The following FHIT variants were observed in gnomAD, a reference collection of about 807,000 sequenced individuals.
FHIT encodes the protein fragile histidine triad diadenosine triphosphatase, also known as bis(5'-adenosyl)-triphosphatase.
FHIT carries 19 observed loss-of-function variants against 17.9 expected under a neutral mutation model. The ratio of observed to expected loss-of-function variants is 1.06; its 90% CI spans 0.74 to 1.56. FHIT has a LOEUF of 1.56. FHIT is among the 40% of genes most tolerant of loss of function. The pLI is 0.00. For synonymous variants in FHIT, 81 were observed against 69.7 expected (o/e 1.16, Z -0.81); for missense variants, 248 against 189.2 (o/e 1.31, Z -1.82).
chr3:60,561,910 GAGAGAGAA>G (rs1212279621), intron 4 of FHIT, among the ~76,000 whole-genome samples: 2 of 151,404 alleles, frequency 1.3e-5, no homozygotes, highest in East Asian at 2.0e-4. Flanking sequence ...AAAAAGAAAA[GAGAGAGAA>G]AGAGAGAAAG....
At chr3:60,443,980 TCAAA>T (rs1344395085) in intron 5 of FHIT, among the ~76,000 whole-genome samples, 1 of 151,922 alleles carries the variant, frequency 6.6e-6, no homozygotes, top group Non-Finnish European at 1.5e-5. Context: ...TACAATGAAC[TCAAA>T]CAAATTTACA....
intron 5 of FHIT, among the ~76,000 whole-genome samples, chr3:60,496,780 A>C (rs573787281): frequency 6.6e-6 from 1 of 152,318 alleles, no homozygotes; most frequent in East Asian, 1.9e-4. Flanking sequence ...GGACTAGAAT[A>C]CAATACAGGA....
rs150388499 is a variant in FHIT at position 60,471,653 on chromosome 3, T to C, written c.103+65207A>G. Among the ~76,000 whole-genome samples the C allele has an allele frequency of 2.4e-3, 372 of 152,328 alleles. 3 individuals carry two copies. Among genetic ancestry groups the C allele is most frequent in the African/African-American group, 8.8e-3 (367 of 41,574 alleles). ...CCCTCTTCAGTGCCTCTTTCCTTAA[T>C]ATACTGTTAAAACCAGATACTGCAA... is the stretch of plus-strand genomic sequence containing the variant. On this transcript the variant is annotated intron_variant, in intron 5 of 9. Transcript: ENST00000492590.
intron 4 of FHIT, among the ~76,000 whole-genome samples, chr3:60,614,136 G>A (rs781930089): frequency 2.0e-5 from 3 of 152,072 alleles, no homozygotes. Context: ...TTAGGAAGTA[G>A]GTGCCCACTG....
chr3:60,584,687 G>A (rs1553661039), intron 4 of FHIT, among the ~76,000 whole-genome samples: 2 of 151,896 alleles, frequency 1.3e-5, no homozygotes, highest in African/African-American at 2.4e-5. Context: ...TGGACAAAAG[G>A]AAAGAAGTTA....
chr3:60,565,855 G>C (rs1398659321), intron 4 of FHIT, among the ~76,000 whole-genome samples: 1 of 151,852 alleles, frequency 6.6e-6, no homozygotes, highest in Non-Finnish European at 1.5e-5. Context: ...GTGATGTTAG[G>C]GTGTCAATTT....
chr3:61,086,555 C>T (rs1474346256), intron 2 of FHIT, among the ~76,000 whole-genome samples: 1 of 152,118 alleles, frequency 6.6e-6, no homozygotes, highest in Admixed American at 6.5e-5. Context: ...AGGTCTTTGT[C>T]ATTTACAAAT....
In FHIT at chr3:61,178,190, T is replaced by C. The variant is rs139950490; in HGVS notation, c.-164+22427A>G. On this transcript the variant is annotated intron_variant, in intron 2 of 9. Transcript: ENST00000492590. ...TAGTAACCGGCAGTTATTGAGTGTTTAGATTGTGCCAGGCACTGGGTTTCA... is the reference window on the plus strand; with the variant it reads ...TAGTAACCGGCAGTTATTGAGTGTTCAGATTGTGCCAGGCACTGGGTTTCA... 2.5e-4 allele frequency among the ~76,000 whole-genome samples: 38 copies of C among 152,248 alleles called. 1 individual carries two copies. The highest frequency in any genetic ancestry group is 6.2e-4 in the South Asian group (3 of 4,818).
At chr3:60,897,161 C>T (rs191571432) in intron 3 of FHIT, among the ~76,000 whole-genome samples, 14 of 152,294 alleles carry the variant, frequency 9.2e-5, no homozygotes, top group Non-Finnish European at 1.2e-4. Context: ...CACACTACTG[C>T]ATTAATGTAT....
At chr3:60,651,164 G>C (rs1454148850) in intron 4 of FHIT, among the ~76,000 whole-genome samples, 2 of 151,848 alleles carry the variant, frequency 1.3e-5, no homozygotes, top group African/African-American at 4.8e-5. Context: ...ATTCTATGAT[G>C]AGCATTGTAA....
At chr3:60,203,734 CAA>C (rs1392707899) in intron 5 of FHIT, among the ~76,000 whole-genome samples, 1 of 151,828 alleles carries the variant, frequency 6.6e-6, no homozygotes, top group Admixed American at 6.6e-5. Context: ...GAAAAAAATG[CAA>C]GAGAGATGAT....
At chr3:60,304,653 T>A (rs572915760) in intron 5 of FHIT, among the ~76,000 whole-genome samples, 1 of 152,288 alleles carries the variant, frequency 6.6e-6, no homozygotes, top group African/African-American at 2.4e-5. Context: ...AGTTTTAGTA[T>A]ATGTGCCATA....
chr3:60,234,552 C>T (rs1410260992), intron 5 of FHIT, among the ~76,000 whole-genome samples: 1 of 152,160 alleles, frequency 6.6e-6, no homozygotes, highest in African/African-American at 2.4e-5. Context: ...GGAGATTTTG[C>T]TAAATGTATT....
intron 5 of FHIT, among the ~76,000 whole-genome samples, chr3:60,270,908 T>C (rs1236094826): frequency 1.3e-5 from 2 of 152,174 alleles, no homozygotes; most frequent in Non-Finnish European, 2.9e-5. Context: ...CTTCTTGCAA[T>C]AGGTCATAGA....
chr3:61,115,532 T>C (rs2036276353), intron 2 of FHIT, among the ~76,000 whole-genome samples: 1 of 152,104 alleles, frequency 6.6e-6, no homozygotes, highest in South Asian at 2.1e-4. Context: ...AAATGCCAGA[T>C]ATATTCAGCA....
At chr3:59,770,941 T>C (rs999662042) in intron 8 of FHIT, among the ~76,000 whole-genome samples, 1 of 152,218 alleles carries the variant, frequency 6.6e-6, no homozygotes, top group African/African-American at 2.4e-5. Flanking sequence ...TGAAGCACTA[T>C]GAACACTGTA....
At chr3:60,902,975 C>T (rs967059059) in intron 3 of FHIT, among the ~76,000 whole-genome samples, 4 of 152,202 alleles carry the variant, frequency 2.6e-5, no homozygotes, top group East Asian at 3.8e-4. Context: ...AACTTTACCA[C>T]TTACTACTTC....
intron 4 of FHIT, among the ~76,000 whole-genome samples, chr3:60,776,732 A>G (rs1043696524): frequency 2.0e-5 from 3 of 152,248 alleles, no homozygotes; most frequent in African/African-American, 4.8e-5. Flanking sequence ...AATTGAATCC[A>G]CTAGAAATAG....
At chr3:59,759,611 C>A (rs1701400020) in intron 8 of FHIT, among the ~76,000 whole-genome samples, 1 of 152,208 alleles carries the variant, frequency 6.6e-6, no homozygotes, top group Non-Finnish European at 1.5e-5. Context: ...TTCTATCATT[C>A]ACTTCTCAAA....
Sources: allele counts gnomAD v4.1 joint callset (sites outside exome capture counted in the v4.1 genomes callset), GRCh38; gene constraint gnomAD v4.1.1; transcripts MANE v1.5; gene names NCBI Gene and HGNC (gene_info 2026-07-23, HGNC 2026-07-21).